PKHD1L1: variants seen among roughly 807,000 people sequenced by gnomAD.
The protein encoded by PKHD1L1 is PKHD1 like 1.
A neutral mutation model predicts 462.9 loss-of-function variants in PKHD1L1; 434 were observed. The observed-to-expected ratio is 0.94, with a 90% CI of 0.87 to 1.02. The LOEUF (loss-of-function observed/expected upper bound fraction) is 1.02, where lower values mean the gene tolerates loss of function less well. PKHD1L1 is among the 50% of genes least tolerant of loss of function. The pLI, the probability that PKHD1L1 is intolerant of heterozygous loss-of-function variation, is 0.00. For missense variants in PKHD1L1, 5,202 were observed against 5,096.1 expected, an observed-to-expected ratio of 1.02 and a Z score of -0.63; for synonymous variants, 1,781 against 1,750.0, an observed-to-expected ratio of 1.02 and a Z score of -0.44.
chr8:109,494,026 C>G (rs887096504), intron 63 of PKHD1L1, among the ~76,000 whole-genome samples: 16 of 151,776 alleles, frequency 1.1e-4, no homozygotes, highest in Non-Finnish European at 2.2e-4. Context: ...CAGTAAGTAC[C>G]TCATCCCACC....
chr8:109,522,546 T>C (rs1457288), intron 74 of PKHD1L1, among the ~76,000 whole-genome samples, 198 bp from the exon 75 acceptor site: 63,348 of 152,088 alleles, frequency 0.42, 13,525 homozygotes, highest in South Asian at 0.57. Context: ...GTATTGGTTA[T>C]AAATTTGTTT....
chr8:109,388,685 C>G, intron 7 of PKHD1L1, 135 bp downstream of exon 7: 1 of 657,786 alleles, frequency 1.5e-6, no homozygotes, highest in South Asian at 2.2e-5. Flanking sequence ...TTCCACATAG[C>G]GCATTAGCAA....
At chr8:109,399,892 G>T (rs1464792040) in intron 12 of PKHD1L1, among the ~76,000 whole-genome samples, 184 bp from the exon 13 acceptor site, 1 of 152,048 alleles carries the variant, frequency 6.6e-6, no homozygotes, top group East Asian at 1.9e-4. Context: ...AAGTAATAAT[G>T]AACAAATTAC....
chr8:109,471,644 T>C (rs1817725980), intron 50 of PKHD1L1, among the ~76,000 whole-genome samples: 1 of 152,176 alleles, frequency 6.6e-6, no homozygotes, highest in Non-Finnish European at 1.5e-5. Context: ...GCAAAACATA[T>C]ACCGCCCATA....
intron 20 of PKHD1L1, among the ~76,000 whole-genome samples, chr8:109,413,178 C>G (rs560475720): frequency 1.3e-3 from 204 of 152,028 alleles, no homozygotes; most frequent in Middle Eastern, 0.01. Context: ...GAAACTATAC[C>G]TAAAAAGAAA....
intron 60 of PKHD1L1, among the ~76,000 whole-genome samples, chr8:109,490,759 C>A (rs1243803421): frequency 6.6e-6 from 1 of 151,120 alleles, no homozygotes; most frequent in Non-Finnish European, 1.5e-5. Context: ...CATATATATT[C>A]AATATATCTA....
chr8:109,438,458 T>A lies in PKHD1L1; in HGVS notation c.3760+2T>A, dbSNP rs199965963. 5 of 1,532,692 alleles carry A rather than the reference T, an allele frequency of 3.3e-6. No individual in the cohort carries two copies. Among genetic ancestry groups the A allele is most frequent in the Non-Finnish European group, 4.4e-6 (5 of 1,138,842 alleles). 94.9% of individuals were successfully genotyped at this position (1,532,692 alleles called of 1,614,324 possible). A position where few individuals can be genotyped will look rare whatever the true frequency, so the allele number is the denominator to read the frequency against. The stretch of plus-strand genomic sequence containing the variant: ...GTCCAAAAGTACGAACAATACTAGG[T>A]AAGAAATTCTTCAATAAGATTGGTC... On this transcript the variant is annotated splice_donor_variant, in intron 31 of 77. Coordinates refer to ENST00000378402, the MANE Select transcript of PKHD1L1 (RefSeq NM_177531.6). LOFTEE classifies it high-confidence loss of function.
chr8:109,421,293 A>G (rs1271629551), intron 23 of PKHD1L1, among the ~76,000 whole-genome samples: 2 of 152,120 alleles, frequency 1.3e-5, no homozygotes, highest in Non-Finnish European at 2.9e-5. Flanking sequence ...ATAATCATTA[A>G]CCATTGTAAT....
intron 2 of PKHD1L1, among the ~76,000 whole-genome samples, chr8:109,373,961 G>A (rs572425044): frequency 6.6e-6 from 1 of 152,112 alleles, no homozygotes; most frequent in Non-Finnish European, 1.5e-5. Flanking sequence ...GTGTGGTGCT[G>A]AAAAAAATGT....
intron 2 of PKHD1L1, among the ~76,000 whole-genome samples, chr8:109,373,704 G>A (rs1025445914): frequency 2.0e-5 from 3 of 152,118 alleles, no homozygotes; most frequent in Admixed American, 6.5e-5. Flanking sequence ...GGTATGTTGT[G>A]TCTTTGTCCT....
intron 39 of PKHD1L1, among the ~76,000 whole-genome samples, chr8:109,448,782 T>C (rs1350743325): frequency 6.6e-6 from 1 of 152,062 alleles, no homozygotes; most frequent in East Asian, 1.9e-4. Flanking sequence ...TGTAAGTGTA[T>C]AATTATTTAT....
rs1586471565 is a variant in PKHD1L1 at position 109,419,235 on chromosome 8, C to T, written c.2499C>T (p.His833=). 11 of 1,607,878 alleles carry T rather than the reference C, an allele frequency of 6.8e-6. No homozygotes were observed. Among genetic ancestry groups the T allele is most frequent in the Non-Finnish European group, 9.4e-6 (11 of 1,176,262 alleles). ...ATGTGGATGTAGTGTACATTGGACA[C>T]ACATCTACAATCTCAACATTGGATG... ...SFYVDVVYIG[H]TSTISTLDEM... Residue 833 remains histidine, a synonymous_variant, in exon 22 of 78, where the codon CAC becomes CAT. Transcript: ENST00000378402.
chr8:109,484,761 G>T (rs372163617), intron 57 of PKHD1L1, among the ~76,000 whole-genome samples: 2 of 151,842 alleles, frequency 1.3e-5, no homozygotes, highest in African/African-American at 4.8e-5. Flanking sequence ...GAATATGTTT[G>T]CTTTGATGTC....
At chr8:109,499,072 G>A in intron 67 of PKHD1L1, 1 of 287,318 alleles carries the variant, frequency 3.5e-6, no homozygotes. Context: ...ATGTAAGTAG[G>A]ATTATATATT....
rs768577771 is a variant in PKHD1L1, at chr8:109,522,197, T to A, written c.12043T>A (p.Leu4015Ile). Residue 4015 changes from leucine to isoleucine, a missense_variant, in exon 74 of 78, where the codon TTA becomes ATA. Transcript: ENST00000378402. ...ACTTTTCCCCATAGGTCAGATGCAG[T>A]TATCTGAACTCCAGGAAATTGCTGG... ...ISNGTTGQMQ[L>I]SELQEIAGSL... The A allele has an allele frequency of 1.9e-5, 30 of 1,600,592 alleles. No individual in the cohort carries two copies. Among genetic ancestry groups the A allele is most frequent in the Non-Finnish European group, 2.4e-5 (28 of 1,169,054 alleles).
intron 72 of PKHD1L1, among the ~76,000 whole-genome samples, chr8:109,516,291 T>A (rs932327352): frequency 4.6e-5 from 7 of 152,198 alleles, no homozygotes; most frequent in South Asian, 2.1e-4. Context: ...TTTCTCTGGA[T>A]CTCTGAAAGT....
chr8:109,394,513 C>T (rs373945978), intron 10 of PKHD1L1, 28 bp downstream of exon 10: 41 of 1,400,916 alleles, frequency 2.9e-5, no homozygotes, highest in Middle Eastern at 1.8e-4. Context: ...CACTCTGTTG[C>T]GGGGGTGGTG....
chr8:109,431,724 G>T (rs73700889), intron 27 of PKHD1L1, among the ~76,000 whole-genome samples: 6,269 of 152,108 alleles, frequency 0.041, 436 homozygotes, highest in African/African-American at 0.14. Context: ...TTCCTCTATT[G>T]GTGGACATTT....
intron 28 of PKHD1L1, among the ~76,000 whole-genome samples, chr8:109,434,379 C>CA (rs766756268): frequency 0.012 from 1,533 of 132,760 alleles, 11 homozygotes; most frequent in African/African-American, 0.023. Flanking sequence ...GGTCACATTT[C>CA]AAAAAAAAAA....
Sources: gnomAD v4.1 joint callset for allele counts (sites outside exome capture counted in the v4.1 genomes callset) on GRCh38, gnomAD v4.1.1 for gene constraint, MANE v1.5 for transcripts, NCBI Gene and HGNC (gene_info 2026-07-23, HGNC 2026-07-21) for gene names.